Variants in CACNA1C observed in about 807,000 individuals in gnomAD.
CACNA1C encodes voltage-dependent L-type calcium channel subunit alpha-1C.
CACNA1C carries 30 observed loss-of-function variants against 229.0 expected under a neutral mutation model. The observed-to-expected ratio is 0.13, with a 90% CI of 0.10 to 0.18. The LOEUF (loss-of-function observed/expected upper bound fraction) is 0.18, where lower values mean the gene tolerates loss of function less well. Ranked by LOEUF, CACNA1C falls within the 10% of genes least tolerant of loss-of-function variation. The pLI, the probability that CACNA1C is intolerant of heterozygous loss-of-function variation, is 1.00. For synonymous variants in CACNA1C, 1,114 were observed against 1,132.5 expected, an observed-to-expected ratio of 0.98 and a Z score of 0.33; for missense variants, 1,658 against 2,845.0, an observed-to-expected ratio of 0.58 and a Z score of 9.49.
intron 7 of CACNA1C, among the ~76,000 whole-genome samples, chr12:2,499,631 T>G (rs2099754487): frequency 6.6e-6 from 1 of 152,200 alleles, no homozygotes; most frequent in Non-Finnish European, 1.5e-5. Context: ...TGAGGCTGTT[T>G]CAGCCAAGGC....
chr12:2,628,009 T>C (rs571378722), intron 29 of CACNA1C, among the ~76,000 whole-genome samples: 31 of 152,236 alleles, frequency 2.0e-4, no homozygotes, highest in South Asian at 1.9e-3. Flanking sequence ...GAGAAAGAAA[T>C]GAGTCATGGC....
chr12:2,654,026 C>T lies in CACNA1C; in HGVS notation c.4140+126C>T. 1.3e-6 allele frequency: 1 copy of T among 763,414 alleles called. No homozygotes were observed. The allele number at this position is 763,414 out of a possible 1,614,324, so 47.3% of individuals were successfully genotyped here. On this transcript the variant is annotated intron_variant, in intron 33 of 46. Transcript: ENST00000399655. This position sits in a 1 kb window ranked among gnomAD's most constrained non-coding sequence, Gnocchi z 4.4. ...TCATTCCTGACTGTCCCTCTCCCTCCTCTTCCATTTTCTGAGGCCCAAAAA... is the reference window on the plus strand; with the variant it reads ...TCATTCCTGACTGTCCCTCTCCCTCTTCTTCCATTTTCTGAGGCCCAAAAA...
At chr12:2,050,772 T>A (rs114045417), upstream of CACNA1C, among the ~76,000 whole-genome samples, 1,688 of 152,256 alleles carry the variant, frequency 0.011, 25 homozygotes, top group African/African-American at 0.038. Flanking sequence ...GGCACTTGCA[T>A]TTTACACTGG....
At chr12:2,033,084 G>C (rs1474160579) in intron 1 of CACNA1C, among the ~76,000 whole-genome samples, 1 of 152,192 alleles carries the variant, frequency 6.6e-6, no homozygotes. Context: ...GCCTGGTTAG[G>C]TGCAGTGATG....
chr12:2,636,206 G>A (rs2092640726), intron 30 of CACNA1C, among the ~76,000 whole-genome samples: 1 of 152,184 alleles, frequency 6.6e-6, no homozygotes, highest in Non-Finnish European at 1.5e-5. Context: ...ATGCAGAGGG[G>A]CCGAGAGCCC....
At chr12:2,204,493 C>T (rs533770682) in intron 3 of CACNA1C, among the ~76,000 whole-genome samples, 203 of 150,946 alleles carry the variant, frequency 1.3e-3, no homozygotes, top group Non-Finnish European at 2.5e-3. Flanking sequence ...CACATGCACA[C>T]GTATGTTTAT....
intron 29 of CACNA1C, among the ~76,000 whole-genome samples, chr12:2,620,994 T>C (rs1489444519): frequency 6.6e-6 from 1 of 152,250 alleles, no homozygotes; most frequent in African/African-American, 2.4e-5. Flanking sequence ...ACAGTCCTAC[T>C]TTCTGCCATA....
At chr12:2,099,439 G>T (rs933745931) in intron 1 of CACNA1C, among the ~76,000 whole-genome samples, 35 of 152,118 alleles carry the variant, frequency 2.3e-4, no homozygotes, top group Non-Finnish European at 2.1e-4. Flanking sequence ...GCAGGGAGCT[G>T]CCTCTGTTTG....
At chr12:2,154,179 G>A (rs2095434217) in intron 3 of CACNA1C, among the ~76,000 whole-genome samples, 1 of 152,142 alleles carries the variant, frequency 6.6e-6, no homozygotes, top group Non-Finnish European at 1.5e-5. Context: ...GACAAAAGGA[G>A]GCTTAGTCAT....
chr12:2,093,217 C>T (rs1490429978), intron 1 of CACNA1C, among the ~76,000 whole-genome samples: 1 of 152,210 alleles, frequency 6.6e-6, no homozygotes, highest in Non-Finnish European at 1.5e-5. Flanking sequence ...GTGTGGGTGA[C>T]TATGCAGTGG....
intron 1 of CACNA1C, among the ~76,000 whole-genome samples, chr12:2,066,083 T>C (rs1377132110): frequency 6.6e-6 from 1 of 152,096 alleles, no homozygotes; most frequent in African/African-American, 2.4e-5. Flanking sequence ...GAGTCGAGGC[T>C]GCAGGTAGAG....
intron 1 of CACNA1C, among the ~76,000 whole-genome samples, chr12:1,984,305 C>T (rs571412582): frequency 6.6e-6 from 1 of 151,944 alleles, no homozygotes; most frequent in East Asian, 1.9e-4. Flanking sequence ...TTTTGCTCTC[C>T]TGTTACCCTC....
chr12:2,245,787 G>A (rs993448966), intron 3 of CACNA1C, among the ~76,000 whole-genome samples: 1 of 152,196 alleles, frequency 6.6e-6, no homozygotes, highest in Non-Finnish European at 1.5e-5. Flanking sequence ...CCTGCTTAGA[G>A]TGAATATTCA....
intron 1 of CACNA1C, among the ~76,000 whole-genome samples, chr12:2,089,775 C>T (rs2069481681): frequency 1.3e-5 from 2 of 152,154 alleles, no homozygotes; most frequent in African/African-American, 4.8e-5. Context: ...TGGCTGACAC[C>T]TGTAATCCCA....
chr12:2,342,427 A>G (rs1282700175), intron 3 of CACNA1C, among the ~76,000 whole-genome samples: 1 of 152,106 alleles, frequency 6.6e-6, no homozygotes, highest in African/African-American at 2.4e-5. Flanking sequence ...TCCTCATTCA[A>G]TCCACAAATA....
In CACNA1C at chr12:2,493,189, G is replaced by A. The variant is rs1250764193; in HGVS notation, c.917-1G>A. 1.2e-6 allele frequency: 2 copies of A among 1,613,168 alleles called. No homozygotes were observed. The highest frequency in any genetic ancestry group is 1.7e-6 in the Non-Finnish European group (2 of 1,179,240). On this transcript the variant is annotated splice_acceptor_variant, in intron 6 of 46. Coordinates refer to ENST00000399655, the MANE Select transcript of CACNA1C (RefSeq NM_000719.7). LOFTEE classifies it high-confidence loss of function. This position sits in a 1 kb window ranked among gnomAD's most constrained non-coding sequence, Gnocchi z 4.6. Reference sequence around the variant, plus strand: ...CTCCTGTCTTCTTCTGGCCATTTGAGATGTTCCAGCAGAAGATGACCCTTC... The same window carrying A: ...CTCCTGTCTTCTTCTGGCCATTTGAAATGTTCCAGCAGAAGATGACCCTTC...
chr12:2,106,794 T>A, intron 1 of CACNA1C, among the ~76,000 whole-genome samples: 1 of 128,572 alleles, frequency 7.8e-6, no homozygotes, highest in Admixed American at 7.9e-5. Flanking sequence ...CTGAAGCCAC[T>A]GGGTGCTCAC....
At chr12:2,248,653 G>C (rs988546352) in intron 3 of CACNA1C, among the ~76,000 whole-genome samples, 1 of 152,254 alleles carries the variant, frequency 6.6e-6, no homozygotes, top group African/African-American at 2.4e-5. Flanking sequence ...CGTGTTCAAA[G>C]CCGCAGTGGT....
intron 3 of CACNA1C, among the ~76,000 whole-genome samples, chr12:2,137,380 G>A (rs117233773): frequency 0.028 from 4,187 of 150,970 alleles, 234 homozygotes; most frequent in South Asian, 0.055. Context: ...AGATAGAAAT[G>A]CTCCGCCCAG....
Sources: gnomAD v4.1 joint callset for allele counts (sites outside exome capture counted in the v4.1 genomes callset) on GRCh38, gnomAD v4.1.1 for gene constraint, Gnocchi (gnomAD v3.1) non-coding constraint, MANE v1.5 for transcripts, NCBI Gene and HGNC (gene_info 2026-07-23, HGNC 2026-07-21) for gene names.